PHACTR1: variants seen among roughly 807,000 people sequenced by gnomAD.
The protein encoded by PHACTR1 is phosphatase and actin regulator 1.
PHACTR1 carries 16 observed loss-of-function variants against 69.2 expected under a neutral mutation model. That is an observed-to-expected ratio of 0.23 (90% confidence interval 0.16 to 0.35). PHACTR1 has a LOEUF of 0.35. Ranked by LOEUF, PHACTR1 falls within the 10% of genes least tolerant of loss-of-function variation. The pLI, the probability that PHACTR1 is intolerant of heterozygous loss-of-function variation, is 1.00. For synonymous variants in PHACTR1, 312 were observed against 284.5 expected (o/e 1.10, Z -0.97); for missense variants, 510 against 734.7 (o/e 0.69, Z 3.54).
intron 4 of PHACTR1, among the ~76,000 whole-genome samples, chr6:12,903,720 T>C (rs1206567022): frequency 6.6e-6 from 1 of 152,238 alleles, no homozygotes; most frequent in Admixed American, 6.5e-5. Flanking sequence ...TGAGATCATA[T>C]AAAAATAGCT....
At chr6:12,933,035 A>G (rs915946520) in intron 4 of PHACTR1, among the ~76,000 whole-genome samples, 1 of 150,854 alleles carries the variant, frequency 6.6e-6, no homozygotes, top group Non-Finnish European at 1.5e-5. Flanking sequence ...TCCTGAGTTC[A>G]AGTGATTCTA....
At chr6:12,789,699 C>T (rs553600430) in intron 4 of PHACTR1, among the ~76,000 whole-genome samples, 1 of 151,870 alleles carries the variant, frequency 6.6e-6, no homozygotes, top group South Asian at 2.1e-4. Flanking sequence ...TTTCTGCGTA[C>T]TTGGACTACA....
intron 4 of PHACTR1, among the ~76,000 whole-genome samples, chr6:12,866,883 G>T (rs916393026): frequency 2.6e-5 from 4 of 152,140 alleles, no homozygotes; most frequent in Non-Finnish European, 5.9e-5. Context: ...CCGAAACAAA[G>T]CTTTCAAAGG....
At chr6:13,286,812 G>C (rs1781783950) in intron 14 of PHACTR1, among the ~76,000 whole-genome samples, 2 of 152,252 alleles carry the variant, frequency 1.3e-5, no homozygotes, top group Non-Finnish European at 2.9e-5. Flanking sequence ...TAGAGACTCA[G>C]AGACACAGAT....
chr6:13,163,335 TCAC>T (rs576183051), intron 6 of PHACTR1, among the ~76,000 whole-genome samples: 208 of 152,354 alleles, frequency 1.4e-3, no homozygotes, highest in Middle Eastern at 0.01. Flanking sequence ...ATGTCACTTG[TCAC>T]CACAACTTCC....
chr6:12,760,749 A>G (rs971525131), intron 4 of PHACTR1, among the ~76,000 whole-genome samples: 2 of 152,314 alleles, frequency 1.3e-5, no homozygotes, highest in Admixed American at 6.5e-5. Context: ...CCTGCCCAAC[A>G]TGATGAAACC....
At position 13,246,203 on chromosome 6, in the gene PHACTR1, C is replaced by T. The variant is rs540677364; in HGVS notation, c.1391+16010C>T. On this transcript the variant is annotated intron_variant, in intron 10 of 14. Transcript: ENST00000332995. The surrounding 1 kb of genome is among the most constrained non-coding windows in gnomAD (Gnocchi z 4.2). The stretch of plus-strand genomic sequence containing the variant: ...GCAACCATAACAACTCATATATCTT[C>T]GTTGATTTTCTCAAAAGAAAAATAA... Among the ~76,000 whole-genome samples, 5 of 152,256 alleles carry T rather than the reference C, an allele frequency of 3.3e-5. No homozygotes were observed. Among genetic ancestry groups the T allele is most frequent in the South Asian group, 2.1e-4 (1 of 4,822 alleles).
chr6:12,971,593 G>A (rs1303439217), intron 4 of PHACTR1, among the ~76,000 whole-genome samples: 1 of 152,212 alleles, frequency 6.6e-6, no homozygotes, highest in Admixed American at 6.5e-5. Context: ...TGGATGAGTA[G>A]TTACTGAGGG....
chr6:12,829,170 A>G (rs1262082847), intron 4 of PHACTR1, among the ~76,000 whole-genome samples: 1 of 152,222 alleles, frequency 6.6e-6, no homozygotes, highest in Non-Finnish European at 1.5e-5. Context: ...CAAGACATAC[A>G]TTGTAGCTCT....
At chr6:12,791,752 C>T (rs1273192325) in intron 4 of PHACTR1, among the ~76,000 whole-genome samples, 1 of 152,086 alleles carries the variant, frequency 6.6e-6, no homozygotes, top group Non-Finnish European at 1.5e-5. Flanking sequence ...AATAAACAGC[C>T]GTTAAGTGTT....
intron 4 of PHACTR1, among the ~76,000 whole-genome samples, chr6:13,020,639 G>C (rs2127667189): frequency 6.6e-6 from 1 of 152,336 alleles, no homozygotes; most frequent in African/African-American, 2.4e-5. Context: ...ACCAAGGGTA[G>C]AGAAAGGTCA....
intron 4 of PHACTR1, among the ~76,000 whole-genome samples, chr6:12,857,621 C>T (rs1737800764): frequency 6.6e-6 from 1 of 151,186 alleles, no homozygotes; most frequent in Non-Finnish European, 1.5e-5. Context: ...AAAAAATTCT[C>T]CCAGGCAGAA....
intron 5 of PHACTR1, among the ~76,000 whole-genome samples, chr6:13,073,430 A>G (rs1295996445): frequency 7.7e-6 from 1 of 129,498 alleles, no homozygotes; most frequent in Non-Finnish European, 1.5e-5. Flanking sequence ...TGCAGTCTCC[A>G]CCTCTTGGGT....
chr6:12,877,550 C>T (rs985599794), intron 4 of PHACTR1, among the ~76,000 whole-genome samples: 1 of 152,094 alleles, frequency 6.6e-6, no homozygotes, highest in Non-Finnish European at 1.5e-5. Flanking sequence ...CAATCACAGC[C>T]GTCTGTTTGC....
intron 5 of PHACTR1, among the ~76,000 whole-genome samples, chr6:13,148,180 G>A (rs901372177): frequency 7.6e-6 from 1 of 132,198 alleles, no homozygotes; most frequent in Non-Finnish European, 1.6e-5. Context: ...GTGTTTACTG[G>A]TTTTTTTTTT....
chr6:12,749,605 G>T, intron 3 of PHACTR1, 39 bp from the exon 4 acceptor site: 1 of 1,247,586 alleles, frequency 8.0e-7, no homozygotes, highest in Non-Finnish European at 1.1e-6. Context: ...TCCCCCTTCC[G>T]CCTCTCTCCC....
chr6:12,939,428 A>G (rs370005439), intron 4 of PHACTR1, among the ~76,000 whole-genome samples: 4 of 152,114 alleles, frequency 2.6e-5, no homozygotes, highest in African/African-American at 9.7e-5. Flanking sequence ...CACCTAACAT[A>G]GAAATCCCTG....
chr6:12,931,526 G>A (rs2127528872), intron 4 of PHACTR1, among the ~76,000 whole-genome samples: 1 of 152,230 alleles, frequency 6.6e-6, no homozygotes, highest in South Asian at 2.1e-4. Flanking sequence ...TGGAGGTGCA[G>A]TCTAAGTAAG....
Position 13,134,097 on chromosome 6 carries a change from G to A in PHACTR1, c.416-26107G>A, listed in dbSNP as rs866736956. ...TGAGAAGTGAGGAGCCCCTCCGCCC[G>A]GCAGCCGCCCTGTCTGGGAAGTGAG... On this transcript the variant is annotated intron_variant, in intron 5 of 14. Transcript: ENST00000332995. 2.2e-4 allele frequency among the ~76,000 whole-genome samples: 33 copies of A among 151,048 alleles called. No homozygotes were observed. In the Middle Eastern group the frequency reaches 0.021, roughly 96 times the overall value.
Sources: gnomAD v4.1 joint callset for allele counts (sites outside exome capture counted in the v4.1 genomes callset) on GRCh38, gnomAD v4.1.1 for gene constraint, Gnocchi (gnomAD v3.1) non-coding constraint, MANE v1.5 for transcripts, NCBI Gene and HGNC (gene_info 2026-07-23, HGNC 2026-07-21) for gene names.